The following LRP4 variants were observed in gnomAD, a reference collection of about 807,000 sequenced individuals.
LRP4 encodes LDL receptor related protein 4, also known as low-density lipoprotein receptor-related protein 4.
In LRP4, 95 loss-of-function variants were observed where a neutral mutation model predicts 220.3. That is an observed-to-expected ratio of 0.43 (90% CI 0.37 to 0.51). The LOEUF is 0.51. Ranked by LOEUF, LRP4 falls within the 20% of genes least tolerant of loss-of-function variation. The pLI is 0.00. For synonymous variants in LRP4, 903 were observed against 954.6 expected, an observed-to-expected ratio of 0.95 and a Z score of 1.00; for missense variants, 1,925 against 2,567.0, an observed-to-expected ratio of 0.75 and a Z score of 5.40.
At chr11:46,884,023 C>A in intron 18 of LRP4, 47 bp from the exon 19 acceptor site, 1 of 1,466,252 alleles carries the variant, frequency 6.8e-7, no homozygotes, top group Non-Finnish European at 9.6e-7. Context: ...GTTCATTCAC[C>A]CTCTTACCTT....
chr11:46,889,697 A>G (rs1941379005), intron 15 of LRP4, 164 bp from the exon 16 acceptor site: 1 of 942,064 alleles, frequency 1.1e-6, no homozygotes, highest in South Asian at 1.4e-5. Flanking sequence ...TACCCGGCAC[A>G]GAGGAGATGC....
In LRP4 at chr11:46,890,040, C is replaced by T. The variant is rs756132486; in HGVS notation, c.1996G>A (p.Ala666Thr). 7.4e-6 allele frequency: 12 copies of T among 1,613,958 alleles called. No homozygotes were observed. The highest frequency in any genetic ancestry group is 1.7e-5 in the Admixed American group (1 of 59,990). The change falls in exon 15 of 38, where the codon GCT (alanine) becomes ACT (threonine). Residue 666 changes from alanine (A) to threonine (T), a missense_variant. By Grantham distance (58) the Ala-to-Thr change is moderately conservative. This residue lies in a region of LRP4 where 269 missense variants were observed against 436.7 expected (regional missense o/e 0.62). Coordinates refer to ENST00000378623, the MANE Select transcript of LRP4 (RefSeq NM_002334.4). This position sits in a 1 kb window ranked among gnomAD's most constrained non-coding sequence, Gnocchi z 5.3. ...TGGTTCTTCCCCGTAAATTTGTTAG[C>T]GCTATTGATGCTCTTGGTGTGCCAG... ...TDWHTKSINS[A>T]NKFTGKNQEI...
intron 2 of LRP4, 104 bp downstream of exon 2, chr11:46,902,677 TGA>T: frequency 2.2e-6 from 3 of 1,358,916 alleles, no homozygotes; most frequent in Non-Finnish European, 3.1e-6. Context: ...ACCAACTCTC[TGA>T]GTCCGACACA....
Position 46,859,178 on chromosome 11 carries a change from T to C in LRP4, c.5523A>G (p.Val1841=). 1 of 1,614,186 alleles carries C rather than the reference T, an allele frequency of 6.2e-7. No individual in the cohort carries two copies. Among genetic ancestry groups the C allele is most frequent in the Non-Finnish European group, 8.5e-7 (1 of 1,180,034 alleles). The part of the protein sequence containing the change: ...SSRGGLLRDH[V]CMKTDTVSIQ... ...TGGACACCGTGTCTGTCTTCATGCA[T>C]ACATGATCCCGGAGGAGGCCCCCCC... is the stretch of plus-strand genomic sequence containing the variant. The change falls in exon 38 of 38, where the codon GTA becomes GTG. Residue 1841 remains valine (V), a synonymous_variant. Transcript: ENST00000378623.
At chr11:46,859,397 T>C (rs1030399314) in intron 37 of LRP4, 82 bp from the exon 38 acceptor site, 7 of 1,051,478 alleles carry the variant, frequency 6.7e-6, no homozygotes, top group Non-Finnish European at 1.0e-5. Flanking sequence ...AGGAAGTGGA[T>C]GGGGTAAGAG....
intron 25 of LRP4, 38 bp downstream of exon 25, chr11:46,876,428 C>A (rs1373396120): frequency 6.2e-7 from 1 of 1,611,762 alleles, no homozygotes; most frequent in Admixed American, 1.7e-5. Context: ...GCTGAGCTGG[C>A]CCCCCACACT....
chr11:46,869,933 C>G (rs920352342), intron 31 of LRP4, among the ~76,000 whole-genome samples: 17 of 152,194 alleles, frequency 1.1e-4, no homozygotes, highest in African/African-American at 4.1e-4. Flanking sequence ...TGGTGAAACC[C>G]TGTCTCTACT....
Position 46,868,039 on chromosome 11 carries a change from G to GGTGGTGT in LRP4, c.5020_5026dup (p.Pro1676HisfsTer26). On this transcript the variant is annotated frameshift_variant, in exon 34 of 38. Coordinates refer to ENST00000378623, the MANE Select transcript of LRP4 (RefSeq NM_002334.4). LOFTEE classifies it high-confidence loss of function. ...GGTGGTTGAAGAATACAAGGTGGTA[G>GGTGGTGT]GTGGTGTGTTGGGTAGCACTGGGCT... is the stretch of plus-strand genomic sequence containing the variant. The GGTGGTGT allele has an allele frequency of 6.2e-7, 1 of 1,614,160 alleles. No individual in the cohort carries two copies. The highest frequency in any genetic ancestry group is 1.1e-5 in the South Asian group (1 of 91,084).
chr11:46,884,018 T>G, intron 18 of LRP4, 42 bp from the exon 19 acceptor site: 1 of 1,502,078 alleles, frequency 6.7e-7, no homozygotes, highest in Non-Finnish European at 9.3e-7. Flanking sequence ...GTCTTGTTCA[T>G]TCACCCTCTT....
At position 46,873,653 on chromosome 11, in the gene LRP4, T is replaced by G; in HGVS notation, c.4230-60A>C. On this transcript the variant is annotated intron_variant, in intron 28 of 37. Transcript: ENST00000378623. The surrounding 1 kb of genome is among the most constrained non-coding windows in gnomAD (Gnocchi z 4.2). ...ACTGACCCAGAATAGAGTAGAACTT[T>G]AACCCATGTTCCCATAACTGGACCC... is the stretch of plus-strand genomic sequence containing the variant. 7.1e-7 allele frequency: 1 copy of G among 1,414,550 alleles called. No homozygotes were observed. The highest frequency in any genetic ancestry group is 2.3e-5 in the East Asian group (1 of 43,742). 87.6% of individuals were successfully genotyped at this position (1,414,550 alleles called of 1,614,324 possible).
Position 46,890,416 on chromosome 11 carries a change from A to G in LRP4, c.1776T>C (p.Ile592=). The G allele has an allele frequency of 6.2e-7, 1 of 1,614,180 alleles. No individual in the cohort carries two copies. The highest frequency in any genetic ancestry group is 8.5e-7 in the Non-Finnish European group (1 of 1,180,022). The stretch of plus-strand genomic sequence containing the variant: ...TGGGCCAGAAGAGATGGGTATCGGC[A>G]ATGATGCGGCGTCCAGAGCCATCCA... ...SSMDGSGRRI[I]ADTHLFWPNG... is the part of the protein sequence containing the mutation. The change falls in exon 14 of 38, where the codon ATT becomes ATC. Residue 592 remains isoleucine (I), a synonymous_variant. Transcript: ENST00000378623. This position sits in a 1 kb window ranked among gnomAD's most constrained non-coding sequence, Gnocchi z 5.3.
Position 46,875,464 on chromosome 11 carries a change from T to C in LRP4, c.3917A>G (p.Gln1306Arg). The stretch of plus-strand genomic sequence containing the variant: ...AGCCCTCTGACTCTCACCTAGTGGC[T>C]GTGCCCGGTCCACAGCCTGCATGTC... ...LMDMQAVDRA[Q>R]PLGFNKCGSR... The change falls in exon 27 of 38, where the codon CAG (glutamine) becomes CGG (arginine). Residue 1306 changes from glutamine (Q) to arginine (R), a missense_variant. Around this residue, in one of 3 missense-constraint regions of LRP4, gnomAD observed 1,244 missense variants for 1,624.9 expected, o/e 0.77. Coordinates refer to ENST00000378623, the MANE Select transcript of LRP4 (RefSeq NM_002334.4). This position sits in a 1 kb window ranked among gnomAD's most constrained non-coding sequence, Gnocchi z 4.5. The C allele has an allele frequency of 6.2e-7, 1 of 1,613,990 alleles. No homozygotes were observed. Among genetic ancestry groups the C allele is most frequent in the Non-Finnish European group, 8.5e-7 (1 of 1,179,974 alleles).
Position 46,881,836 on chromosome 11 carries a change from G to A in LRP4, c.2680C>T (p.Arg894Cys). 1 of 1,614,152 alleles carries A rather than the reference G, an allele frequency of 6.2e-7. No homozygotes were observed. Among genetic ancestry groups the A allele is most frequent in the South Asian group, 1.1e-5 (1 of 91,078 alleles). The change falls in exon 20 of 38, where the codon CGC becomes TGC. Residue 894 changes from arginine to cysteine, a missense_variant. Transcript: ENST00000378623. The stretch of plus-strand genomic sequence containing the variant: ...AGATTAGAAGAGATAATGACTTGGC[G>A]GCCTGAGGCATCCATGCCAGCTCGT... Reference protein sequence around the residue: ...IERAGMDASGRQVIISSNLTW... With the variant: ...IERAGMDASGCQVIISSNLTW...
At chr11:46,912,290 C>CATTT (rs1314744969) in intron 1 of LRP4, among the ~76,000 whole-genome samples, 1 of 152,214 alleles carries the variant, frequency 6.6e-6, no homozygotes, top group Non-Finnish European at 1.5e-5. Context: ...TCCAGAAATA[C>CATTT]ATTTGGATTT....
In LRP4 at chr11:46,895,170, A is replaced by T; in HGVS notation, c.1305T>A (p.Ala435=). ...ELRPDRRSCK[A]LGPEPVLLFA... is the part of the protein sequence containing the mutation. ...CCAAGTGCCAACAGCCCTTACCCAGAGCCTTGCAGCTGCGCCGGTCGGGCC... is the reference window on the plus strand; with the variant it reads ...CCAAGTGCCAACAGCCCTTACCCAGTGCCTTGCAGCTGCGCCGGTCGGGCC... Residue 435 remains alanine (A), a synonymous_variant, in exon 11 of 38, where the codon GCT becomes GCA. Coordinates refer to ENST00000378623, the MANE Select transcript of LRP4 (RefSeq NM_002334.4). 2 of 1,613,824 alleles carry T rather than the reference A, an allele frequency of 1.2e-6. No homozygotes were observed. Among genetic ancestry groups the T allele is most frequent in the Non-Finnish European group, 1.7e-6 (2 of 1,180,014 alleles).
chr11:46,892,290 C>G (rs927635618), intron 13 of LRP4, among the ~76,000 whole-genome samples: 5 of 152,138 alleles, frequency 3.3e-5, no homozygotes, highest in African/African-American at 1.2e-4. Flanking sequence ...TTACTAATAA[C>G]TATTAATTTG....
At position 46,862,613 on chromosome 11, in the gene LRP4, T is replaced by G. The variant is rs778676466; in HGVS notation, c.5378A>C (p.Lys1793Thr). 11 of 1,614,160 alleles carry G rather than the reference T, an allele frequency of 6.8e-6. No individual in the cohort carries two copies. The Admixed American group carries it at 1.5e-4, about 22-fold the overall frequency. ...ATAAATTTCAATTTTTACCTCTTTC[T>G]TATAGCACAGCTGGTTGTACATGGC... The part of the protein sequence containing the change: ...KPAMYNQLCY[K>T]KEGGPDHNYT... Residue 1793 changes from lysine to threonine, a missense_variant, in exon 37 of 38, where the codon AAG becomes ACG. This residue lies in a region of LRP4 where 1,244 missense variants were observed against 1,624.9 expected (regional missense o/e 0.77). Coordinates refer to ENST00000378623, the MANE Select transcript of LRP4 (RefSeq NM_002334.4).
At chr11:46,900,414 C>G in intron 2 of LRP4, 36 bp from the exon 3 acceptor site, 1 of 1,290,134 alleles carries the variant, frequency 7.8e-7, no homozygotes, top group Non-Finnish European at 1.1e-6. Context: ...AGTCAATCAA[C>G]CTGGTATTCT....
intron 1 of LRP4, among the ~76,000 whole-genome samples, chr11:46,905,525 T>G (rs769772814): frequency 6.6e-6 from 1 of 152,178 alleles, no homozygotes; most frequent in African/African-American, 2.4e-5. Context: ...CGACATCTGG[T>G]GGGTAGAAGC....
Sources: allele counts gnomAD v4.1 joint callset (sites outside exome capture counted in the v4.1 genomes callset), GRCh38; gene constraint gnomAD v4.1.1; regional missense constraint gnomAD v4.1.1; non-coding constraint Gnocchi (gnomAD v3.1); transcripts MANE v1.5; gene names NCBI Gene and HGNC (gene_info 2026-07-23, HGNC 2026-07-21).